Variants in FNDC1 observed in about 807,000 individuals in gnomAD.
The protein encoded by FNDC1 is fibronectin type III domain-containing protein 1.
Under a neutral mutation model 168.0 loss-of-function variants are expected in FNDC1, and 96 were observed. That is an observed-to-expected ratio of 0.57 (90% CI 0.48 to 0.68). FNDC1 has a LOEUF of 0.68. Among genes scored for constraint, FNDC1 ranks in the 30% least tolerant of loss-of-function variants. The pLI is 0.00. For synonymous variants in FNDC1, 1,099 were observed against 1,025.9 expected (o/e 1.07, Z -1.36); for missense variants, 2,587 against 2,482.1 (o/e 1.04, Z -0.90).
At chr6:159,262,523 G>A (rs1777506842) in intron 19 of FNDC1, among the ~76,000 whole-genome samples, 1 of 152,202 alleles carries the variant, frequency 6.6e-6, no homozygotes, top group Non-Finnish European at 1.5e-5. Flanking sequence ...TAAGGGATGT[G>A]TCTGTGATTA....
intron 1 of FNDC1, among the ~76,000 whole-genome samples, chr6:159,194,623 C>G (rs993781754): frequency 2.6e-5 from 4 of 152,178 alleles, no homozygotes; most frequent in African/African-American, 9.7e-5. Context: ...AGCTTTATTT[C>G]ACGTTGAAGG....
In FNDC1 at chr6:159,266,105, C is replaced by T; in HGVS notation, c.5306C>T (p.Pro1769Leu). Residue 1769 changes from proline to leucine, a missense_variant, in exon 21 of 23, where the codon CCA (proline) becomes CTA (leucine). By Grantham distance (98) the Pro-to-Leu change is moderately conservative (BLOSUM62 -3). Coordinates refer to ENST00000297267, the MANE Select transcript of FNDC1 (RefSeq NM_032532.3). ...CAAGGCGGTGAGCCTATCTGGATCC[C>T]ATTCGCTTTCAAACATGATCCCAGC... The part of the protein sequence containing the change: ...RPPGGEPIWI[P>L]FAFKHDPSYT... The T allele has an allele frequency of 3.7e-6, 6 of 1,613,838 alleles. No individual in the cohort carries two copies. Among genetic ancestry groups the T allele is most frequent in the East Asian group, 2.2e-5 (1 of 44,878 alleles).
chr6:159,174,990 T>G (rs530785830), intron 1 of FNDC1, among the ~76,000 whole-genome samples: 2 of 152,338 alleles, frequency 1.3e-5, no homozygotes, highest in East Asian at 3.9e-4. Context: ...TACTATGTAT[T>G]CTAATTATTA....
rs143832925 is a variant in FNDC1, at chr6:159,235,164, A to G, written c.3967+685A>G. On this transcript the variant is annotated intron_variant, in intron 11 of 22. Coordinates refer to ENST00000297267, the MANE Select transcript of FNDC1 (RefSeq NM_032532.3). ...AGGCAGATGTGTGCTTTGTATTTCT[A>G]TAACAGAGGGTTGAACAAAGTCCGC... is the stretch of plus-strand genomic sequence containing the variant. Among the ~76,000 whole-genome samples, 1,109 of 152,346 alleles carry G rather than the reference A, an allele frequency of 7.3e-3. 15 individuals carry two copies. Among genetic ancestry groups the G allele is most frequent in the African/African-American group, 0.026 (1,063 of 41,574 alleles).
At chr6:159,222,852 A>T (rs1782858897) in intron 6 of FNDC1, among the ~76,000 whole-genome samples, 1 of 152,096 alleles carries the variant, frequency 6.6e-6, no homozygotes, top group African/African-American at 2.4e-5. Context: ...AAATGTTATT[A>T]TTTTCCAGAA....
intron 16 of FNDC1, 61 bp from the exon 17 acceptor site, chr6:159,251,241 A>G (rs1313801621): frequency 6.4e-6 from 8 of 1,254,978 alleles, no homozygotes; most frequent in Non-Finnish European, 9.1e-6. Flanking sequence ...AACAGATGCT[A>G]TGTTTCTGCC....
chr6:159,196,688 T>C (rs1782246925), intron 1 of FNDC1, among the ~76,000 whole-genome samples: 1 of 152,250 alleles, frequency 6.6e-6, no homozygotes, highest in African/African-American at 2.4e-5. Context: ...ATTTATATTA[T>C]GTTGCATTAC....
intron 4 of FNDC1, among the ~76,000 whole-genome samples, chr6:159,213,312 T>G (rs558896813): frequency 1.3e-4 from 20 of 152,336 alleles, no homozygotes; most frequent in African/African-American, 3.6e-4. Flanking sequence ...GCAACAAGCT[T>G]GTGCCATCTG....
chr6:159,193,268 C>T (rs978520812), intron 1 of FNDC1, among the ~76,000 whole-genome samples: 4 of 152,118 alleles, frequency 2.6e-5, no homozygotes, highest in African/African-American at 9.7e-5. Flanking sequence ...GCCTGGACAC[C>T]TTTTGTCTGA....
chr6:159,232,105 G>C lies in FNDC1; in HGVS notation c.1593G>C (p.Glu531Asp), dbSNP rs1441707556. 1.2e-6 allele frequency: 2 copies of C among 1,613,914 alleles called. No homozygotes were observed. The highest frequency in any genetic ancestry group is 1.7e-6 in the Non-Finnish European group (2 of 1,179,856). The part of the protein sequence containing the change: ...RKPQLRAKKA[E>D]ELDLQSTEIT... ...CCCAGCTTCGCGCCAAGAAGGCAGA[G>C]GAGCTGGATCTTCAGTCGACAGAAA... Residue 531 changes from glutamate (E) to aspartate (D), a missense_variant, in exon 11 of 23, where the codon GAG (glutamate) becomes GAC (aspartate). Transcript: ENST00000297267. The surrounding 1 kb of genome is among the most constrained non-coding windows in gnomAD (Gnocchi z 4.9).
chr6:159,254,437 C>T (rs771440052), intron 17 of FNDC1, among the ~76,000 whole-genome samples: 9 of 152,260 alleles, frequency 5.9e-5, no homozygotes, highest in Middle Eastern at 3.4e-3. Context: ...AGATGCAAAT[C>T]GTAAAATCAC....
chr6:159,266,551 C>G (rs1288026644), intron 21 of FNDC1, among the ~76,000 whole-genome samples: 2 of 152,030 alleles, frequency 1.3e-5, no homozygotes, highest in Non-Finnish European at 2.9e-5. Flanking sequence ...TCAAGACCAG[C>G]TTGGCCAACA....
intron 1 of FNDC1, among the ~76,000 whole-genome samples, chr6:159,170,243 A>G (rs1781624870): frequency 6.6e-6 from 1 of 152,016 alleles, no homozygotes; most frequent in South Asian, 2.1e-4. Flanking sequence ...CTCCAGTGCC[A>G]GCTCGGCTCC....
rs150288696 is a variant in FNDC1 at position 159,185,118 on chromosome 6, C to G, written c.110-12313C>G. ...TCTGAAACGGTAGCTTTTGCTTACA[C>G]TGGATCCTAAACAAAATGGCCAAGA... On this transcript the variant is annotated intron_variant, in intron 1 of 22. Transcript: ENST00000297267. Among the ~76,000 whole-genome samples the G allele has an allele frequency of 5.8e-4, 88 of 150,716 alleles. 1 individual carries two copies. Among genetic ancestry groups the G allele is most frequent in the African/African-American group, 2.1e-3 (85 of 40,954 alleles).
chr6:159,267,923 C>G lies in FNDC1; in HGVS notation c.5566C>G (p.Gln1856Glu), dbSNP rs750699017. The change falls in exon 22 of 23, where the codon CAA (glutamine) becomes GAA (glutamate). Residue 1856 changes from glutamine to glutamate, a missense_variant. Physicochemically the swap from Gln to Glu is conservative, Grantham distance 29 (BLOSUM62 2). Transcript: ENST00000297267. ...CTATGTAGAAGCCCTCCCTACTATT[C>G]AAGGTAATACAAACAAATGCCTGAT... The part of the protein sequence containing the change: ...QSYVEALPTI[Q>E]GYYRQYRQEP... The G allele has an allele frequency of 1.9e-6, 3 of 1,607,190 alleles. No individual in the cohort carries two copies. In the African/African-American group the frequency reaches 4.0e-5, roughly 21 times the overall value.
chr6:159,223,458 A>G, intron 6 of FNDC1, 70 bp from the exon 7 acceptor site: 1 of 876,266 alleles, frequency 1.1e-6, no homozygotes, highest in South Asian at 1.6e-5. Context: ...TAGCCTGTCA[A>G]GGACTGAGGA....
At chr6:159,244,229 G>T (rs373551511) in intron 14 of FNDC1, among the ~76,000 whole-genome samples, 5 of 152,226 alleles carry the variant, frequency 3.3e-5, no homozygotes, top group African/African-American at 9.7e-5. Context: ...AGTTTACAGG[G>T]TGTGAACCTG....
intron 6 of FNDC1, among the ~76,000 whole-genome samples, chr6:159,222,266 T>C (rs1782843618): frequency 6.6e-6 from 1 of 152,200 alleles, no homozygotes; most frequent in African/African-American, 2.4e-5. Context: ...TACCTTAATT[T>C]AAAGAGGCAA....
chr6:159,171,239 T>A (rs1781651292), intron 1 of FNDC1, among the ~76,000 whole-genome samples: 1 of 152,166 alleles, frequency 6.6e-6, no homozygotes, highest in Non-Finnish European at 1.5e-5. Context: ...TGTGTTGACG[T>A]GGGATCTACA....
Sources: gnomAD v4.1 joint callset for allele counts (sites outside exome capture counted in the v4.1 genomes callset) on GRCh38, gnomAD v4.1.1 for gene constraint, Gnocchi (gnomAD v3.1) non-coding constraint, MANE v1.5 for transcripts, NCBI Gene and HGNC (gene_info 2026-07-23, HGNC 2026-07-21) for gene names.